TMEM244: variants seen among roughly 807,000 people sequenced by gnomAD.
TMEM244 encodes transmembrane protein 244.
A neutral mutation model predicts 15.8 loss-of-function variants in TMEM244; 13 were observed. That is an observed-to-expected ratio of 0.82 (90% CI 0.53 to 1.30). The LOEUF (loss-of-function observed/expected upper bound fraction) is 1.30, where lower values mean the gene tolerates loss of function less well. Among genes scored for constraint, TMEM244 ranks in the 50% most tolerant of loss-of-function variants. TMEM244 has a pLI of 0.00. For missense variants in TMEM244, 161 were observed against 144.9 expected (o/e 1.11, Z -0.57); for synonymous variants, 45 against 48.7 (o/e 0.92, Z 0.32).
intron 3 of TMEM244, among the ~76,000 whole-genome samples, chr6:129,840,900 C>T (rs1037105326): frequency 2.6e-5 from 4 of 152,038 alleles, no homozygotes; most frequent in South Asian, 2.1e-4. Context: ...GTTAGAATGG[C>T]GATCATTAAA....
At chr6:129,836,801 C>T (rs117720477) in intron 3 of TMEM244, among the ~76,000 whole-genome samples, 1,574 of 152,054 alleles carry the variant, frequency 0.01, 14 homozygotes, top group Non-Finnish European at 0.016. Flanking sequence ...ATAGGTAATT[C>T]CATCAAGTGG....
intron 3 of TMEM244, among the ~76,000 whole-genome samples, chr6:129,841,373 A>G (rs1182231974): frequency 7.2e-6 from 1 of 139,182 alleles, no homozygotes; most frequent in Non-Finnish European, 1.5e-5. Flanking sequence ...AGTTAAACAA[A>G]GAACACTTGG....
At chr6:129,836,524 T>G (rs949956163) in intron 3 of TMEM244, among the ~76,000 whole-genome samples, 1 of 152,134 alleles carries the variant, frequency 6.6e-6, no homozygotes, top group Admixed American at 6.5e-5. Flanking sequence ...CTCCAAAGGA[T>G]CACAGCTCCT....
intron 2 of TMEM244, 28 bp from the exon 3 acceptor site, chr6:129,843,631 T>C: frequency 1.9e-6 from 3 of 1,540,392 alleles, no homozygotes; most frequent in Non-Finnish European, 2.7e-6. Context: ...GAAAACAGTT[T>C]ACTCTGAATG....
chr6:129,854,357 A>C (rs924085531), intron 1 of TMEM244, among the ~76,000 whole-genome samples: 1 of 152,318 alleles, frequency 6.6e-6, no homozygotes, highest in Non-Finnish European at 1.5e-5. Flanking sequence ...AGATAAAAGC[A>C]ATCTTTGCTG....
chr6:129,835,917 A>C (rs1776398700), intron 3 of TMEM244, among the ~76,000 whole-genome samples: 1 of 152,190 alleles, frequency 6.6e-6, no homozygotes, highest in South Asian at 2.1e-4. Flanking sequence ...GGAAGCACGA[A>C]CTGGGTGGAG....
At chr6:129,855,679 A>G (rs1277223744) in intron 1 of TMEM244, among the ~76,000 whole-genome samples, 1 of 152,166 alleles carries the variant, frequency 6.6e-6, no homozygotes, top group Non-Finnish European at 1.5e-5. Context: ...TGGTTTCCTC[A>G]TGATCAGATT....
chr6:129,845,781 G>C lies in TMEM244; in HGVS notation c.105C>G (p.Gly35=). ...GTGCTACTTACTCAAACATCACGCA[G>C]CCCATGCTCAGGGACACATAGTACA... ...YTVYYVSLSM[G]CVMFEVHELN... The change falls in exon 2 of 5, where the codon GGC becomes GGG. Residue 35 remains glycine, a synonymous_variant. Transcript: ENST00000368143. The C allele has an allele frequency of 1.2e-6, 2 of 1,612,022 alleles. No homozygotes were observed. The highest frequency in any genetic ancestry group is 4.5e-5 in the East Asian group (2 of 44,798).
Position 129,845,778 on chromosome 6 carries a change from G to A in TMEM244, c.108C>T (p.Cys36=), listed in dbSNP as rs773184767. The A allele has an allele frequency of 5.2e-5, 84 of 1,610,702 alleles. No individual in the cohort carries two copies. The highest frequency in any genetic ancestry group is 6.4e-5 in the Non-Finnish European group (75 of 1,178,524). Residue 36 remains cysteine (C), a synonymous_variant, in exon 2 of 5, where the codon TGC becomes TGT. Transcript: ENST00000368143. The part of the protein sequence containing the change: ...TVYYVSLSMG[C]VMFEVHELNV... ...AATGTGCTACTTACTCAAACATCAC[G>A]CAGCCCATGCTCAGGGACACATAGT... is the stretch of plus-strand genomic sequence containing the variant.
chr6:129,846,646 G>T (rs1776564520), intron 1 of TMEM244, among the ~76,000 whole-genome samples: 1 of 152,104 alleles, frequency 6.6e-6, no homozygotes, highest in African/African-American at 2.4e-5. Flanking sequence ...AACCTCAGCT[G>T]TGATAATAAT....
chr6:129,858,090 G>A (rs944509843), intron 1 of TMEM244, among the ~76,000 whole-genome samples: 13 of 151,984 alleles, frequency 8.6e-5, no homozygotes, highest in African/African-American at 2.9e-4. Flanking sequence ...ACTTGGTCAT[G>A]ATGTTTTATT....
chr6:129,831,949 ATTGT>A (rs1776334390), intron 4 of TMEM244, among the ~76,000 whole-genome samples: 1 of 152,048 alleles, frequency 6.6e-6, no homozygotes. Flanking sequence ...GTGTCCAGTG[ATTGT>A]TTGAGTTACT....
At position 129,860,909 on chromosome 6, in the gene TMEM244, G is replaced by A. The variant is rs1046865649; in HGVS notation, c.33+247C>T. On this transcript the variant is annotated intron_variant, in intron 1 of 4. Coordinates refer to ENST00000368143, the MANE Select transcript of TMEM244 (RefSeq NM_001010876.2). ...TGCTAATACCAGAGAGCTTACCTCC[G>A]AATAAAATGGTGCCTTCTAAACAGC... 5.3e-5 allele frequency among the ~76,000 whole-genome samples: 8 copies of A among 151,950 alleles called. No homozygotes were observed. The East Asian group carries it at 1.4e-3, about 26-fold the overall frequency.
intron 1 of TMEM244, among the ~76,000 whole-genome samples, chr6:129,857,547 A>G (rs1019065719): frequency 6.6e-6 from 1 of 151,674 alleles, no homozygotes; most frequent in East Asian, 1.9e-4. Context: ...TTTAGTAGAG[A>G]GGGGGTTTTG....
intron 1 of TMEM244, among the ~76,000 whole-genome samples, chr6:129,852,234 A>T (rs555683161): frequency 1.8e-3 from 281 of 152,208 alleles, no homozygotes; most frequent in African/African-American, 6.0e-3. Context: ...AATTTTTTTT[A>T]AAAAATAAAT....
intron 1 of TMEM244, among the ~76,000 whole-genome samples, chr6:129,860,104 CGT>C (rs757397083): frequency 0.041 from 5,775 of 140,592 alleles, 128 homozygotes; most frequent in Middle Eastern, 0.09. Flanking sequence ...CTCTGCAATG[CGT>C]GTGTGTGTGT....
Position 129,849,690 on chromosome 6 carries a change from T to C in TMEM244, c.34-3838A>G, listed in dbSNP as rs1218698524. On this transcript the variant is annotated intron_variant, in intron 1 of 4. Transcript: ENST00000368143. ...GACAGGCTCCAGGAATTTGTGTTCATAACAAGTTCCCAGCTGATGCTGAGT... is the reference window on the plus strand; with the variant it reads ...GACAGGCTCCAGGAATTTGTGTTCACAACAAGTTCCCAGCTGATGCTGAGT... Among the ~76,000 whole-genome samples, 4 of 152,176 alleles carry C rather than the reference T, an allele frequency of 2.6e-5. No homozygotes were observed. In the East Asian group the frequency reaches 5.8e-4, roughly 22 times the overall value.
chr6:129,860,104 C>CGTGTGTGT lies in TMEM244; in HGVS notation c.33+1044_33+1051dup, dbSNP rs757397083. Among the ~76,000 whole-genome samples, 100 of 140,704 alleles carry CGTGTGTGT rather than the reference C, an allele frequency of 7.1e-4. 2 individuals are homozygous for CGTGTGTGT. Among genetic ancestry groups the CGTGTGTGT allele is most frequent in the South Asian group, 2.6e-3 (11 of 4,188 alleles). The allele number at this position is 140,704 out of a possible 152,430, so 92.3% of individuals were successfully genotyped here. On this transcript the variant is annotated intron_variant, in intron 1 of 4. Coordinates refer to ENST00000368143, the MANE Select transcript of TMEM244 (RefSeq NM_001010876.2). ...CTATCTGGATATTTTCTCTGCAATG[C>CGTGTGTGT]GTGTGTGTGTGTGTGTGTGTGTGTG...
chr6:129,853,182 TC>T (rs1685485481), intron 1 of TMEM244, among the ~76,000 whole-genome samples: 1 of 152,166 alleles, frequency 6.6e-6, no homozygotes, highest in African/African-American at 2.4e-5. Flanking sequence ...TCCTGTTATT[TC>T]CTTTGTGTTC....
Sources: allele counts gnomAD v4.1 joint callset (sites outside exome capture counted in the v4.1 genomes callset), GRCh38; gene constraint gnomAD v4.1.1; transcripts MANE v1.5; gene names NCBI Gene and HGNC (gene_info 2026-07-23, HGNC 2026-07-21).